Variants in GRM7 observed in about 807,000 individuals in gnomAD.
GRM7 encodes the protein metabotropic glutamate receptor 7.
In GRM7, 35 loss-of-function variants were observed where a neutral mutation model predicts 84.5. The observed-to-expected ratio is 0.41, with a 90% CI of 0.32 to 0.55. The LOEUF (loss-of-function observed/expected upper bound fraction) is 0.55, where lower values mean the gene tolerates loss of function less well. Ranked by LOEUF, GRM7 falls within the 20% of genes least tolerant of loss-of-function variation. The pLI is 0.19. For synonymous variants in GRM7, 487 were observed against 455.1 expected (o/e 1.07, Z -0.89); for missense variants, 1,003 against 1,194.6 (o/e 0.84, Z 2.36).
intron 2 of GRM7, among the ~76,000 whole-genome samples, chr3:7,252,535 G>T (rs1698031022): frequency 6.6e-6 from 1 of 152,160 alleles, no homozygotes. Flanking sequence ...TTTAGTTAGG[G>T]ATTGTTTGAT....
intron 1 of GRM7, among the ~76,000 whole-genome samples, chr3:6,869,349 A>G (rs1404061669): frequency 6.6e-6 from 1 of 152,230 alleles, no homozygotes; most frequent in Admixed American, 6.5e-5. Context: ...GATTGCATGA[A>G]GTATGCATGG....
chr3:7,061,639 G>A (rs552117968), intron 1 of GRM7, among the ~76,000 whole-genome samples: 11 of 151,750 alleles, frequency 7.2e-5, no homozygotes, highest in African/African-American at 2.7e-4. Flanking sequence ...TAATGAAAGA[G>A]CAAATTAAGG....
chr3:7,513,735 G>C (rs1428570821), intron 7 of GRM7, among the ~76,000 whole-genome samples: 1 of 152,046 alleles, frequency 6.6e-6, no homozygotes, highest in Non-Finnish European at 1.5e-5. Context: ...ACATAACTCT[G>C]ATATGCCCAT....
At position 7,359,881 on chromosome 3, in the gene GRM7, T is replaced by C. The variant is rs995747141; in HGVS notation, c.1033+53229T>C. Among the ~76,000 whole-genome samples, 15 of 148,222 alleles carry C rather than the reference T, an allele frequency of 1.0e-4. 3 individuals carry two copies. Among genetic ancestry groups the C allele is most frequent in the African/African-American group, 3.8e-4 (15 of 39,084 alleles). Reference sequence around the variant, plus strand: ...ATTATCGGTCATTTCATTTTAGGAATTGGGTCTCAAACAGATTGTTCTTGA... The same window carrying C: ...ATTATCGGTCATTTCATTTTAGGAACTGGGTCTCAAACAGATTGTTCTTGA... On this transcript the variant is annotated intron_variant, in intron 4 of 9. Coordinates refer to ENST00000357716, the MANE Select transcript of GRM7 (RefSeq NM_000844.4).
intron 1 of GRM7, among the ~76,000 whole-genome samples, chr3:7,091,107 A>G (rs1698647520): frequency 6.6e-6 from 1 of 152,126 alleles, no homozygotes; most frequent in South Asian, 2.1e-4. Flanking sequence ...TGCATTTTGT[A>G]CAAGTTGAGT....
At chr3:7,045,828 C>T (rs919957419) in intron 1 of GRM7, among the ~76,000 whole-genome samples, 2 of 152,096 alleles carry the variant, frequency 1.3e-5, no homozygotes, top group Non-Finnish European at 2.9e-5. Context: ...ATGAATAATG[C>T]TGCAATGCAT....
chr3:7,141,028 T>G (rs1219605309), intron 1 of GRM7, among the ~76,000 whole-genome samples: 2 of 152,078 alleles, frequency 1.3e-5, no homozygotes, highest in Non-Finnish European at 2.9e-5. Flanking sequence ...AACTATATAT[T>G]TGTTTCAAGA....
intron 4 of GRM7, among the ~76,000 whole-genome samples, chr3:7,358,968 A>C (rs1207005212): frequency 7.9e-6 from 1 of 126,348 alleles, no homozygotes; most frequent in South Asian, 2.2e-4. Flanking sequence ...AAATACCCAA[A>C]CTTACCTGGG....
At chr3:7,040,443 C>T (rs2124940200) in intron 1 of GRM7, among the ~76,000 whole-genome samples, 1 of 152,158 alleles carries the variant, frequency 6.6e-6, no homozygotes, top group South Asian at 2.1e-4. Flanking sequence ...GCTGGGACTA[C>T]AGGTGCCTGC....
At chr3:7,131,681 G>A (rs1030866079) in intron 1 of GRM7, among the ~76,000 whole-genome samples, 1 of 151,898 alleles carries the variant, frequency 6.6e-6, no homozygotes, top group Non-Finnish European at 1.5e-5. Flanking sequence ...GTTTCACCAT[G>A]TTGGCCAGGA....
chr3:7,125,722 T>C (rs1316518654), intron 1 of GRM7, among the ~76,000 whole-genome samples: 2 of 152,258 alleles, frequency 1.3e-5, no homozygotes, highest in Non-Finnish European at 2.9e-5. Flanking sequence ...GCAAAATGAC[T>C]GTTTCACATC....
intron 4 of GRM7, among the ~76,000 whole-genome samples, chr3:7,335,935 G>A (rs1701401747): frequency 6.6e-6 from 1 of 151,936 alleles, no homozygotes; most frequent in South Asian, 2.1e-4. Context: ...AAAAGGTCTA[G>A]GACCAGATGG....
chr3:7,489,220 A>C (rs1699433562), intron 7 of GRM7, among the ~76,000 whole-genome samples: 2 of 152,180 alleles, frequency 1.3e-5, no homozygotes, highest in African/African-American at 4.8e-5. Flanking sequence ...CATCAGAAGA[A>C]AAGTATTTTC....
At chr3:7,376,335 A>G (rs1488467910) in intron 4 of GRM7, among the ~76,000 whole-genome samples, 1 of 152,154 alleles carries the variant, frequency 6.6e-6, no homozygotes, top group Non-Finnish European at 1.5e-5. Context: ...CCACTCTTAT[A>G]GATGCTATAA....
At chr3:7,062,491 A>G (rs1299071846) in intron 1 of GRM7, among the ~76,000 whole-genome samples, 2 of 151,804 alleles carry the variant, frequency 1.3e-5, no homozygotes, top group Non-Finnish European at 2.9e-5. Context: ...ATAAAGGAAC[A>G]ATAAATACAA....
intron 4 of GRM7, 118 bp from the exon 5 acceptor site, chr3:7,414,905 G>A (rs1421507027): frequency 1.2e-5 from 7 of 593,476 alleles, no homozygotes; most frequent in African/African-American, 2.0e-5. Flanking sequence ...TTTTTCGGTC[G>A]ACACACAAGA....
chr3:7,568,091 C>A (rs1288267214), intron 7 of GRM7, among the ~76,000 whole-genome samples: 1 of 152,208 alleles, frequency 6.6e-6, no homozygotes, highest in Non-Finnish European at 1.5e-5. Context: ...TATTCATTCA[C>A]TTCCTTAATT....
intron 8 of GRM7, among the ~76,000 whole-genome samples, chr3:7,638,872 G>C (rs1413923129): frequency 1.3e-5 from 2 of 152,216 alleles, no homozygotes; most frequent in African/African-American, 4.8e-5. Context: ...GGGGAAGAGA[G>C]AGCTAATGAT....
At chr3:7,425,748 T>C (rs1311311139) in intron 5 of GRM7, among the ~76,000 whole-genome samples, 1 of 152,108 alleles carries the variant, frequency 6.6e-6, no homozygotes, top group Non-Finnish European at 1.5e-5. Flanking sequence ...AATAAATAGT[T>C]ACATTTTAAA....
Sources: allele counts gnomAD v4.1 joint callset (sites outside exome capture counted in the v4.1 genomes callset), GRCh38; gene constraint gnomAD v4.1.1; transcripts MANE v1.5; gene names NCBI Gene and HGNC (gene_info 2026-07-23, HGNC 2026-07-21).